USP35: variants seen among roughly 807,000 people sequenced by gnomAD.
The protein encoded by USP35 is ubiquitin carboxyl-terminal hydrolase 35.
USP35 carries 69 observed loss-of-function variants against 83.8 expected under a neutral mutation model. That is an observed-to-expected ratio of 0.82 (90% CI 0.68 to 1.01). The LOEUF (loss-of-function observed/expected upper bound fraction) is 1.01. USP35 is among the 50% of genes least tolerant of loss of function. The pLI is 0.00. For synonymous variants in USP35, 714 were observed against 589.5 expected, an observed-to-expected ratio of 1.21 and a Z score of -3.06; for missense variants, 1,503 against 1,362.5, an observed-to-expected ratio of 1.10 and a Z score of -1.62.
At chr11:78,227,060 G>C in the USP35 span, 1 of 1,549,020 alleles carries the variant, frequency 6.5e-7, no homozygotes, top group Non-Finnish European at 8.9e-7. Flanking sequence ...TCCTAAAAGA[G>C]AAAGAAGGGA....
the USP35 span, among the ~76,000 whole-genome samples, chr11:78,235,744 C>T: frequency 6.6e-6 from 1 of 152,192 alleles, no homozygotes; most frequent in Admixed American, 6.5e-5. Flanking sequence ...TTAGCCTGGA[C>T]CTTATTGTCC....
intron 6 of USP35, among the ~76,000 whole-genome samples, chr11:78,202,334 A>G (rs769056830): frequency 1.3e-5 from 2 of 152,236 alleles, no homozygotes; most frequent in Non-Finnish European, 2.9e-5. Context: ...AATAGACATC[A>G]GGGAAACTTT....
At chr11:78,201,705 C>A (rs1863365318) in intron 6 of USP35, among the ~76,000 whole-genome samples, 1 of 152,136 alleles carries the variant, frequency 6.6e-6, no homozygotes, top group South Asian at 2.1e-4. Context: ...TTCTGATGCT[C>A]ACAAGAAACC....
intron 6 of USP35, among the ~76,000 whole-genome samples, chr11:78,203,891 T>G (rs1353105259): frequency 7.0e-6 from 1 of 142,474 alleles, no homozygotes; most frequent in Admixed American, 7.0e-5. Context: ...ATTTTTCTTT[T>G]CTTTTTTTTT....
At chr11:78,235,721 A>T in the USP35 span, among the ~76,000 whole-genome samples, 1 of 152,162 alleles carries the variant, frequency 6.6e-6, no homozygotes, top group Non-Finnish European at 1.5e-5. Context: ...CCTCATCTCC[A>T]TCTGAGACCA....
Position 78,214,900 on chromosome 11 carries a change from G to C in USP35, c.*1087G>C, listed in dbSNP as rs1864040489. ...GACTGACTGACTTACTTACCTTACT[G>C]AGGGCTGGGTGATGCTGCCCGTGGA... On this transcript the variant is annotated 3_prime_UTR_variant, in exon 11 of 11. Transcript: ENST00000529308. 6.6e-6 allele frequency among the ~76,000 whole-genome samples: 1 copy of C among 152,102 alleles called. No individual in the cohort carries two copies. The highest frequency in any genetic ancestry group is 2.4e-5 in the African/African-American group (1 of 41,424).
chr11:78,200,202 A>T lies in USP35; in HGVS notation c.1006A>T (p.Thr336Ser). The T allele has an allele frequency of 6.2e-7, 1 of 1,613,910 alleles. No individual in the cohort carries two copies. The highest frequency in any genetic ancestry group is 8.5e-7 in the Non-Finnish European group (1 of 1,179,968). The change falls in exon 5 of 11, where the codon ACC becomes TCC. Residue 336 changes from threonine to serine, a missense_variant. By Grantham distance (58) the Thr-to-Ser change is moderately conservative. Coordinates refer to ENST00000529308, the MANE Select transcript of USP35 (RefSeq NM_020798.4). ...GTCTGTGCTCAAGTACATGCTCCTG[A>T]CCTTCCAGCACTCCCACGAAGCCTT... The part of the protein sequence containing the change: ...ALSVLKYMLL[T>S]FQHSHEAFHL...
chr11:78,229,964 G>A, the USP35 span, among the ~76,000 whole-genome samples: 1 of 152,104 alleles, frequency 6.6e-6, no homozygotes, highest in African/African-American at 2.4e-5. Context: ...TTAATCACTT[G>A]CTTAACTTTG....
chr11:78,212,900 G>A (rs908955864), intron 10 of USP35, among the ~76,000 whole-genome samples: 3 of 152,112 alleles, frequency 2.0e-5, no homozygotes, highest in South Asian at 2.1e-4. Context: ...AGGGGGAGGA[G>A]GATGCTTCGG....
At chr11:78,222,202 C>G in the USP35 span, 2 of 1,606,280 alleles carry the variant, frequency 1.2e-6, no homozygotes, top group Non-Finnish European at 1.7e-6. Flanking sequence ...TTTGCTGGAG[C>G]AGGAAAAGAA....
chr11:78,234,708 T>G, the USP35 span, among the ~76,000 whole-genome samples: 1 of 151,776 alleles, frequency 6.6e-6, no homozygotes, highest in Non-Finnish European at 1.5e-5. Context: ...TTTTTGTCCT[T>G]TCACCAATAC....
chr11:78,203,507 C>G (rs1015708918), intron 6 of USP35, among the ~76,000 whole-genome samples: 2 of 152,172 alleles, frequency 1.3e-5, no homozygotes, highest in Admixed American at 6.5e-5. Flanking sequence ...CTGAGTTTGT[C>G]TACAACCTCA....
At chr11:78,199,542 C>A in intron 3 of USP35, 53 bp from the exon 4 acceptor site, 3 of 1,612,072 alleles carry the variant, frequency 1.9e-6, no homozygotes, top group Non-Finnish European at 2.5e-6. Flanking sequence ...CTGCCCTCAC[C>A]CCAGCATTTT....
intron 1 of USP35, among the ~76,000 whole-genome samples, chr11:78,195,512 A>G (rs938139761): frequency 6.6e-6 from 1 of 152,118 alleles, no homozygotes; most frequent in Non-Finnish European, 1.5e-5. Context: ...CCCTTTCTCC[A>G]CAGAGGTGTC....
At chr11:78,213,182 G>C (rs1370525721) in intron 10 of USP35, among the ~76,000 whole-genome samples, 2 of 152,186 alleles carry the variant, frequency 1.3e-5, no homozygotes, top group African/African-American at 4.8e-5. Flanking sequence ...GCCTGAGGCT[G>C]AGTCAGGCTC....
Position 78,198,106 on chromosome 11 carries a change from C to T in USP35, c.806+38C>T, listed in dbSNP as rs758942823. ...GGCTGAGCCATGATCAGGGCTGGGGCCCCTCCCTCTCTTCCTCTCAGAAGC... is the reference window on the plus strand; with the variant it reads ...GGCTGAGCCATGATCAGGGCTGGGGTCCCTCCCTCTCTTCCTCTCAGAAGC... On this transcript the variant is annotated intron_variant, in intron 3 of 10. Coordinates refer to ENST00000529308, the MANE Select transcript of USP35 (RefSeq NM_020798.4). 5.0e-6 allele frequency: 8 copies of T among 1,612,008 alleles called. No homozygotes were observed. In the South Asian group the frequency reaches 5.5e-5, roughly 11 times the overall value.
Position 78,215,195 on chromosome 11 carries a change from ACCCAATT to A in USP35, c.*1383_*1389del, listed in dbSNP as rs1376160194. Reference sequence around the variant, plus strand: ...GTTCTTATTCACAGCCAAGAAAAATACCCAATTATTTCCAAATAAAGCAAAAATTGGA... The same window carrying A: ...GTTCTTATTCACAGCCAAGAAAAATAATTTCCAAATAAAGCAAAAATTGGA... On this transcript the variant is annotated 3_prime_UTR_variant, in exon 11 of 11. Coordinates refer to ENST00000529308, the MANE Select transcript of USP35 (RefSeq NM_020798.4). 1 of 152,512 alleles carries A rather than the reference ACCCAATT, an allele frequency of 6.6e-6. No homozygotes were observed. Among genetic ancestry groups the A allele is most frequent in the Non-Finnish European group, 1.5e-5 (1 of 68,042 alleles). The allele number at this position is 152,512 out of a possible 1,614,324, so 9.4% of individuals were successfully genotyped here.
rs542904932 is a variant in USP35, at chr11:78,200,596, C to T, written c.1039-54C>T. The stretch of plus-strand genomic sequence containing the variant: ...GTGCTGTCAGCAGGGACCACAGCCC[C>T]GTGTCTCAGGTGGGCGGGTTGGTGC... On this transcript the variant is annotated intron_variant, in intron 5 of 10. Coordinates refer to ENST00000529308, the MANE Select transcript of USP35 (RefSeq NM_020798.4). The T allele has an allele frequency of 3.7e-5, 58 of 1,554,368 alleles. No individual in the cohort carries two copies. In the Admixed American group the frequency reaches 4.7e-4, roughly 13 times the overall value.
chr11:78,208,346 G>C (rs1391955865), intron 8 of USP35, among the ~76,000 whole-genome samples: 6 of 152,208 alleles, frequency 3.9e-5, no homozygotes, highest in Admixed American at 2.0e-4. Flanking sequence ...GGCAGCCTGA[G>C]AGCTGTTGAG....
Sources: allele counts gnomAD v4.1 joint callset (sites outside exome capture counted in the v4.1 genomes callset), GRCh38; gene constraint gnomAD v4.1.1; transcripts MANE v1.5; gene names NCBI Gene and HGNC (gene_info 2026-07-23, HGNC 2026-07-21).